URB2: variants seen among roughly 807,000 people sequenced by gnomAD.
URB2 encodes URB2 ribosome biogenesis homolog.
In URB2, 86 loss-of-function variants were observed where a neutral mutation model predicts 120.9. The ratio of observed to expected loss-of-function variants is 0.71; its 90% CI spans 0.60 to 0.85. URB2 has a LOEUF of 0.85. Ranked by LOEUF, URB2 falls within the 40% of genes least tolerant of loss-of-function variation. The pLI is 0.00. For missense variants in URB2, 1,765 were observed against 1,836.5 expected, an observed-to-expected ratio of 0.96 and a Z score of 0.71; for synonymous variants, 755 against 758.4, an observed-to-expected ratio of 1.00 and a Z score of 0.07.
intron 2 of URB2, among the ~76,000 whole-genome samples, chr1:229,628,464 T>G (rs3820360): frequency 0.13 from 19,716 of 151,800 alleles, 1,955 homozygotes; most frequent in East Asian, 0.42. Flanking sequence ...TTTCTTTTGT[T>G]TGGAGACATT....
chr1:229,657,172 G>A (rs1331027372), intron 9 of URB2, among the ~76,000 whole-genome samples: 1 of 152,184 alleles, frequency 6.6e-6, no homozygotes, highest in Non-Finnish European at 1.5e-5. Context: ...TCTTATCTAA[G>A]GTTTTAAAAG....
chr1:229,651,196 C>T lies in URB2; in HGVS notation c.4150-39C>T, dbSNP rs1025714262. 6 of 1,534,116 alleles carry T rather than the reference C, an allele frequency of 3.9e-6. No homozygotes were observed. In the African/African-American group the frequency reaches 8.3e-5, roughly 21 times the overall value. ...TTTAAAGTAGAAAAACTTAAATAATCACGTATGTACTTTTACATTCTGTTA... is the reference window on the plus strand; with the variant it reads ...TTTAAAGTAGAAAAACTTAAATAATTACGTATGTACTTTTACATTCTGTTA... On this transcript the variant is annotated intron_variant, in intron 7 of 9. Coordinates refer to ENST00000258243, the MANE Select transcript of URB2 (RefSeq NM_014777.4).
intron 5 of URB2, among the ~76,000 whole-genome samples, chr1:229,645,261 G>A (rs375087346): frequency 1.3e-5 from 2 of 150,960 alleles, no homozygotes; most frequent in East Asian, 4.0e-4. Context: ...CTCCAAGCCT[G>A]GGTGACAGAG....
chr1:229,637,866 TCTGAGCTGCTGCAGCAGGTTGTG>T lies in URB2; in HGVS notation c.3257_3279del (p.Glu1086AlafsTer79). 6.2e-7 allele frequency: 1 copy of T among 1,601,340 alleles called. No homozygotes were observed. The highest frequency in any genetic ancestry group is 8.5e-7 in the Non-Finnish European group (1 of 1,174,514). ...GGGCCAAGAGGCCCCAGCAGCACTGTCTGAGCTGCTGCAGCAGGTTGTGCTGCAGACAGGAGCTGTGCTGCAGC... is the reference window on the plus strand; with the variant it reads ...GGGCCAAGAGGCCCCAGCAGCACTGTCTGCAGACAGGAGCTGTGCTGCAGC... On this transcript the variant is annotated frameshift_variant, in exon 4 of 10. Coordinates refer to ENST00000258243, the MANE Select transcript of URB2 (RefSeq NM_014777.4). LOFTEE classifies it high-confidence loss of function.
At chr1:229,647,790 C>A (rs1280310674) in intron 7 of URB2, 38 bp downstream of exon 7, 1 of 1,600,258 alleles carries the variant, frequency 6.2e-7, no homozygotes, top group Non-Finnish European at 8.5e-7. Context: ...AGCTTTTCCT[C>A]TGCGAGCAGG....
intron 3 of URB2, among the ~76,000 whole-genome samples, chr1:229,632,811 GTTTTTTTT>G (rs5781547): frequency 9.8e-6 from 1 of 101,848 alleles, no homozygotes; most frequent in African/African-American, 4.0e-5. Context: ...TTCCTCAAAG[GTTTTTTTT>G]TTTTTTTTTT....
intron 4 of URB2, among the ~76,000 whole-genome samples, chr1:229,638,517 G>A (rs944222607): frequency 5.3e-5 from 8 of 152,044 alleles, no homozygotes; most frequent in East Asian, 1.9e-4. Context: ...GTGGTGGCAG[G>A]CGCCTGTAGT....
At chr1:229,652,246 A>G (rs894081318) in intron 8 of URB2, among the ~76,000 whole-genome samples, 1 of 152,212 alleles carries the variant, frequency 6.6e-6, no homozygotes, top group African/African-American at 2.4e-5. Context: ...CAGTATTTTG[A>G]AATTGCATAG....
chr1:229,629,768 A>T (rs1344660950), intron 2 of URB2, among the ~76,000 whole-genome samples: 1 of 152,210 alleles, frequency 6.6e-6, no homozygotes, highest in Non-Finnish European at 1.5e-5. Flanking sequence ...TTTTCCTTTC[A>T]TGAAAGACAC....
intron 4 of URB2, 85 bp downstream of exon 4, chr1:229,638,332 C>T: frequency 7.0e-7 from 1 of 1,428,200 alleles, no homozygotes; most frequent in Non-Finnish European, 9.4e-7. Flanking sequence ...AATAAGTGAA[C>T]ACGTGATGTG....
chr1:229,632,485 C>A, intron 3 of URB2, 40 bp downstream of exon 3: 1 of 1,466,844 alleles, frequency 6.8e-7, no homozygotes, highest in Non-Finnish European at 9.0e-7. Flanking sequence ...GCATGCATCT[C>A]CATTGATTTC....
In URB2 at chr1:229,635,558, C is replaced by A. The variant is rs374763136; in HGVS notation, c.945C>A (p.Tyr315Ter). 30 of 1,614,130 alleles carry A rather than the reference C, an allele frequency of 1.9e-5. No individual in the cohort carries two copies. Among genetic ancestry groups the A allele is most frequent in the Non-Finnish European group, 2.5e-5 (30 of 1,180,024 alleles). The stretch of plus-strand genomic sequence containing the variant: ...TGTATAAGCTCTTTCTAGATTCTTA[C>A]TTTAAGGAGGGAAACCAGCTTCTCT... ...ALLYKLFLDS[Y>*]FKEGNQLLCF... Residue 315 changes from tyrosine (Y) to a stop codon, truncating the protein, a stop_gained, in exon 4 of 10, where the codon TAC becomes TAA. Transcript: ENST00000258243. LOFTEE classifies it high-confidence loss of function.
intron 9 of URB2, among the ~76,000 whole-genome samples, chr1:229,656,819 G>A (rs1377961994): frequency 2.6e-5 from 4 of 152,142 alleles, no homozygotes; most frequent in African/African-American, 9.7e-5. Context: ...GGAAATTATG[G>A]TTACTTTCAT....
chr1:229,655,796 T>C (rs1166647339), intron 9 of URB2, among the ~76,000 whole-genome samples: 1 of 152,192 alleles, frequency 6.6e-6, no homozygotes, highest in African/African-American at 2.4e-5. Flanking sequence ...GTAAGAACAA[T>C]AGTAAAATCA....
intron 3 of URB2, among the ~76,000 whole-genome samples, chr1:229,634,672 C>T (rs1665747151): frequency 6.6e-6 from 1 of 152,098 alleles, no homozygotes; most frequent in African/African-American, 2.4e-5. Flanking sequence ...TTTACAAAGG[C>T]ACGGATCCTT....
At chr1:229,631,259 G>C (rs1251896350) in intron 2 of URB2, among the ~76,000 whole-genome samples, 1 of 151,908 alleles carries the variant, frequency 6.6e-6, no homozygotes, top group Non-Finnish European at 1.5e-5. Context: ...GCCTTGCTCT[G>C]GATTAAGCTT....
In URB2 at chr1:229,637,637, A is replaced by G; in HGVS notation, c.3024A>G (p.Leu1008=). The G allele has an allele frequency of 6.2e-7, 1 of 1,614,250 alleles. No individual in the cohort carries two copies. Among genetic ancestry groups the G allele is most frequent in the South Asian group, 1.1e-5 (1 of 91,090 alleles). ...LQVIGTFLEE[L]MQMLIQMKLS... The stretch of plus-strand genomic sequence containing the variant: ...TGATAGGGACGTTCTTAGAGGAGCT[A>G]ATGCAGATGCTCATCCAAATGAAGC... The change falls in exon 4 of 10, where the codon CTA becomes CTG. Residue 1008 remains leucine (L), a synonymous_variant. Coordinates refer to ENST00000258243, the MANE Select transcript of URB2 (RefSeq NM_014777.4).
Position 229,647,519 on chromosome 1 carries a change from C to T in URB2, c.3916C>T (p.Arg1306Ter), listed in dbSNP as rs775206018. 7.4e-6 allele frequency: 12 copies of T among 1,613,088 alleles called. No homozygotes were observed. The highest frequency in any genetic ancestry group is 2.2e-5 in the East Asian group (1 of 44,846). ...QIVTALTLLNREASQEQPVSL... is the reference protein window; with the variant it reads ...QIVTALTLLN Reference sequence around the variant, plus strand: ...TTATTTTGCCCTTTAGCTCTTAAACCGAGAAGCTTCTCAGGAGCAGCCTGT... The same window carrying T: ...TTATTTTGCCCTTTAGCTCTTAAACTGAGAAGCTTCTCAGGAGCAGCCTGT... Residue 1306 changes from arginine to a stop codon, truncating the protein, a stop_gained, in exon 7 of 10, where the codon CGA (arginine) becomes TGA (stop). Coordinates refer to ENST00000258243, the MANE Select transcript of URB2 (RefSeq NM_014777.4). LOFTEE classifies it high-confidence loss of function.
At chr1:229,647,852 A>G (rs1666190003) in intron 7 of URB2, 100 bp downstream of exon 7, 1 of 1,489,400 alleles carries the variant, frequency 6.7e-7, no homozygotes, top group South Asian at 1.4e-5. Context: ...TTGCAGGATA[A>G]TAATACAAAT....
Sources: allele counts gnomAD v4.1 joint callset (sites outside exome capture counted in the v4.1 genomes callset), GRCh38; gene constraint gnomAD v4.1.1; transcripts MANE v1.5; gene names NCBI Gene and HGNC (gene_info 2026-07-23, HGNC 2026-07-21).